The following MFN2 variants were observed in gnomAD, a reference collection of about 807,000 sequenced individuals.
MFN2 encodes mitofusin-2.
A neutral mutation model predicts 87.5 loss-of-function variants in MFN2; 43 were observed. That is an observed-to-expected ratio of 0.49 (90% CI 0.38 to 0.63). MFN2 has a LOEUF of 0.63. Ranked by LOEUF, MFN2 falls within the 30% of genes least tolerant of loss-of-function variation. The probability of loss-of-function intolerance (pLI) is 0.00; values close to 1 mark genes in which losing one functional copy is unlikely to be tolerated. For synonymous variants in MFN2, 337 were observed against 359.9 expected (o/e 0.94, Z 0.72); for missense variants, 743 against 972.8 (o/e 0.76, Z 3.14).
rs35051330 is a variant in MFN2, at chr1:11,987,629, C to CAAAAA, written c.-4-1535_-4-1534insAAAAA. On this transcript the variant is annotated intron_variant, in intron 2 of 18. Transcript: ENST00000235329. ...TGAGCGATAGAGCAAGACTCTGTCTCAGAAAAAAAAAAAAAAAATGTTGGC... is the reference window on the plus strand; with the variant it reads ...TGAGCGATAGAGCAAGACTCTGTCTCAAAAAAGAAAAAAAAAAAAAAAATGTTGGC... Among the ~76,000 whole-genome samples, 3 of 134,826 alleles carry CAAAAA rather than the reference C, an allele frequency of 2.2e-5. 1 individual carries two copies. The highest frequency in any genetic ancestry group is 8.4e-5 in the African/African-American group (3 of 35,652). The allele number at this position is 134,826 out of a possible 152,430, so 88.5% of individuals were successfully genotyped here. A position where few individuals can be genotyped will look rare whatever the true frequency, so the allele number is the denominator to read the frequency against.
In MFN2 at chr1:12,004,531, A is replaced by C; in HGVS notation, c.1310A>C (p.Glu437Ala). 6.2e-7 allele frequency: 1 copy of C among 1,614,096 alleles called. No homozygotes were observed. Among genetic ancestry groups the C allele is most frequent in the Non-Finnish European group, 8.5e-7 (1 of 1,180,020 alleles). The stretch of plus-strand genomic sequence containing the variant: ...TAGGTGTCGACTGCAATGGCCGAGG[A>C]GATCAGGCGCCTCTCTGTACTGGTG... ...ERQVSTAMAE[E>A]IRRLSVLVDD... Residue 437 changes from glutamate to alanine, a missense_variant, in exon 13 of 19, where the codon GAG becomes GCG. Physicochemically the swap from Glu to Ala is moderately radical, Grantham distance 107. Around this residue, in one of 3 missense-constraint regions of MFN2, gnomAD observed 571 missense variants for 670.7 expected, o/e 0.85. Transcript: ENST00000235329. The surrounding 1 kb of genome is among the most constrained non-coding windows in gnomAD (Gnocchi z 4.2).
chr1:11,994,034 T>C (rs919238018), intron 4 of MFN2, among the ~76,000 whole-genome samples: 2 of 152,192 alleles, frequency 1.3e-5, no homozygotes, highest in Non-Finnish European at 2.9e-5. Flanking sequence ...GGTGTGCACA[T>C]TGAGATTGAG....
chr1:11,986,613 T>A (rs1198417229), intron 2 of MFN2, among the ~76,000 whole-genome samples: 1 of 148,378 alleles, frequency 6.7e-6, no homozygotes, highest in Non-Finnish European at 1.5e-5. Context: ...TTTTTTGAGA[T>A]GGAGTCTTGC....
intron 2 of MFN2, 54 bp from the exon 3 acceptor site, chr1:11,989,111 A>G: frequency 6.3e-7 from 1 of 1,587,344 alleles, no homozygotes; most frequent in Non-Finnish European, 8.6e-7. Flanking sequence ...TCTCCCTAGC[A>G]GGATGTCCCG....
chr1:12,004,766 G>T lies in MFN2; in HGVS notation c.1393-59G>T. ...AGCCTTCTGGGGTCACCTGGTGGAT[G>T]TGGCCTGAAGGGAATTTTGATGGAC... On this transcript the variant is annotated intron_variant, in intron 13 of 18. Transcript: ENST00000235329. This position sits in a 1 kb window ranked among gnomAD's most constrained non-coding sequence, Gnocchi z 4.2. 1 of 1,560,284 alleles carries T rather than the reference G, an allele frequency of 6.4e-7. No homozygotes were observed. Among genetic ancestry groups the T allele is most frequent in the Non-Finnish European group, 8.8e-7 (1 of 1,133,622 alleles).
intron 2 of MFN2, among the ~76,000 whole-genome samples, chr1:11,986,014 G>C (rs978180689): frequency 2.8e-4 from 42 of 152,308 alleles, no homozygotes; most frequent in Middle Eastern, 3.4e-3. Flanking sequence ...GCGTCATGCT[G>C]AGGAGGAATG....
At chr1:12,001,937 G>A in intron 10 of MFN2, 45 bp from the exon 11 acceptor site, 1 of 1,614,138 alleles carries the variant, frequency 6.2e-7, no homozygotes, top group Non-Finnish European at 8.5e-7. Context: ...TTGGTTGTAG[G>A]CCCCTGGTGG....
chr1:12,011,706 G>A lies in MFN2; in HGVS notation c.*141G>A. ...GAAGCACCCAGTCTCGTACCATTTTGAGCCCTCCAGCACTACTTATTTTCC... is the reference window on the plus strand; with the variant it reads ...GAAGCACCCAGTCTCGTACCATTTTAAGCCCTCCAGCACTACTTATTTTCC... On this transcript the variant is annotated 3_prime_UTR_variant, in exon 19 of 19. Coordinates refer to ENST00000235329, the MANE Select transcript of MFN2 (RefSeq NM_014874.4). 1 of 848,548 alleles carries A rather than the reference G, an allele frequency of 1.2e-6. No individual in the cohort carries two copies. Among genetic ancestry groups the A allele is most frequent in the Non-Finnish European group, 1.9e-6 (1 of 520,260 alleles). 52.6% of individuals were successfully genotyped at this position (848,548 alleles called of 1,614,324 possible). A position where few individuals can be genotyped will look rare whatever the true frequency, so the allele number is the denominator to read the frequency against.
chr1:12,005,607 C>T, intron 14 of MFN2, 104 bp from the exon 15 acceptor site: 1 of 1,213,248 alleles, frequency 8.2e-7, no homozygotes, highest in Non-Finnish European at 1.2e-6. Context: ...CAAAGCTGTT[C>T]AGCATCCCTG....
At position 11,987,220 on chromosome 1, in the gene MFN2, G is replaced by C. The variant is rs573196748; in HGVS notation, c.-4-1945G>C. ...CTACTCAGGAGGCTGAGTGAGGCAG[G>C]AGGATCGCTTGAACCTGGGAGGTGG... On this transcript the variant is annotated intron_variant, in intron 2 of 18. Transcript: ENST00000235329. Among the ~76,000 whole-genome samples the C allele has an allele frequency of 1.2e-4, 18 of 151,972 alleles. No homozygotes were observed. The East Asian group carries it at 3.5e-3, about 29-fold the overall frequency.
At position 12,009,610 on chromosome 1, in the gene MFN2, T is replaced by G; in HGVS notation, c.2088T>G (p.Phe696Leu). 1 of 1,614,238 alleles carries G rather than the reference T, an allele frequency of 6.2e-7. No individual in the cohort carries two copies. The highest frequency in any genetic ancestry group is 1.7e-5 in the Admixed American group (1 of 60,024). Residue 696 changes from phenylalanine to leucine, a missense_variant, in exon 18 of 19, where the codon TTT (phenylalanine) becomes TTG (leucine). Physicochemically the swap from Phe to Leu is conservative, Grantham distance 22. Transcript: ENST00000235329. ...TCCCCAGGGAACTGTCTGGGACCTT[T>G]GCTCATCTGTGTCAGCAAGTTGACG... The part of the protein sequence containing the change: ...HQVQQELSGT[F>L]AHLCQQVDVT...
intron 15 of MFN2, 38 bp downstream of exon 15, chr1:12,005,969 G>C (rs764906140): frequency 1.1e-5 from 18 of 1,592,036 alleles, no homozygotes; most frequent in Non-Finnish European, 1.5e-5. Context: ...ATTGTGGGGG[G>C]TCAGTCTGTA....
At chr1:12,010,877 A>G (rs1011335994) in intron 18 of MFN2, among the ~76,000 whole-genome samples, 9 of 152,068 alleles carry the variant, frequency 5.9e-5, no homozygotes, top group Non-Finnish European at 1.2e-4. Flanking sequence ...CCATGATAGC[A>G]TCAGCACACG....
Position 12,009,499 on chromosome 1 carries a change from C to T in MFN2, c.2070-93C>T. On this transcript the variant is annotated intron_variant, in intron 17 of 18. Transcript: ENST00000235329. The stretch of plus-strand genomic sequence containing the variant: ...GCAGAGCTGCTGGCAGGGATATAGA[C>T]AGGCCCAGCTGCTCCCTACTGTGGG... 6 of 1,568,644 alleles carry T rather than the reference C, an allele frequency of 3.8e-6. 1 individual carries two copies. The South Asian group carries it at 6.7e-5, about 17-fold the overall frequency.
At chr1:12,005,568 G>T in intron 14 of MFN2, 143 bp from the exon 15 acceptor site, 2 of 877,982 alleles carry the variant, frequency 2.3e-6, no homozygotes, top group Non-Finnish European at 3.8e-6. Flanking sequence ...AGTCTCACGG[G>T]CCAACTTGAC....
Position 11,992,621 on chromosome 1 carries a change from A to T in MFN2, c.242A>T (p.Tyr81Phe), listed in dbSNP as rs1638737706. 6.2e-7 allele frequency: 1 copy of T among 1,614,158 alleles called. No homozygotes were observed. Among genetic ancestry groups the T allele is most frequent in the South Asian group, 1.1e-5 (1 of 91,084 alleles). The change falls in exon 4 of 19, where the codon TAC (tyrosine) becomes TTC (phenylalanine). Residue 81 changes from tyrosine (Y) to phenylalanine (F), a missense_variant. Physicochemically the swap from Tyr to Phe is conservative, Grantham distance 22. Transcript: ENST00000235329. ...GAACAGGTTCTGGACGTCAAAGGTT[A>T]CCTATCCAAAGTGAGAGGCATCAGT... Reference protein sequence around the residue: ...TEEQVLDVKGYLSKVRGISEV... With the variant: ...TEEQVLDVKGFLSKVRGISEV...
rs563049009 is a variant in MFN2 at position 11,985,746 on chromosome 1, G to A, written c.-4-3419G>A. On this transcript the variant is annotated intron_variant, in intron 2 of 18. Transcript: ENST00000235329. Reference sequence around the variant, plus strand: ...GCCTCCCAAAGTGCTGGGATTACAGGCATGAGCCACCGTGCCTGACCCCTG... The same window carrying A: ...GCCTCCCAAAGTGCTGGGATTACAGACATGAGCCACCGTGCCTGACCCCTG... Among the ~76,000 whole-genome samples the A allele has an allele frequency of 9.8e-4, 149 of 152,218 alleles. 1 individual carries two copies. Among genetic ancestry groups the A allele is most frequent in the Non-Finnish European group, 1.8e-3 (124 of 68,022 alleles).
At chr1:12,008,782 C>T (rs978928880) in intron 17 of MFN2, among the ~76,000 whole-genome samples, 12 of 149,542 alleles carry the variant, frequency 8.0e-5, no homozygotes, top group Admixed American at 2.0e-4. Flanking sequence ...CAGGCAGAGA[C>T]GCTCCTCACT....
chr1:11,989,375 C>T (rs1399072142), intron 3 of MFN2, 32 bp downstream of exon 3: 2 of 1,611,098 alleles, frequency 1.2e-6, no homozygotes, highest in Admixed American at 3.3e-5. Context: ...CAGGCCCGCT[C>T]TTACCTGTTT....
Sources: allele counts gnomAD v4.1 joint callset (sites outside exome capture counted in the v4.1 genomes callset), GRCh38; gene constraint gnomAD v4.1.1; regional missense constraint gnomAD v4.1.1; non-coding constraint Gnocchi (gnomAD v3.1); transcripts MANE v1.5; gene names NCBI Gene and HGNC (gene_info 2026-07-23, HGNC 2026-07-21).